The following BABAM2 variants were observed in gnomAD, a reference collection of about 807,000 sequenced individuals.
BABAM2 encodes BRISC and BRCA1 A complex member 2, also known as BRISC and BRCA1-A complex member 2.
In BABAM2, 31 loss-of-function variants were observed where a neutral mutation model predicts 54.7. The observed-to-expected ratio is 0.57, with a 90% CI of 0.43 to 0.77. The LOEUF (loss-of-function observed/expected upper bound fraction) is 0.77. Ranked by LOEUF, BABAM2 falls within the 30% of genes least tolerant of loss-of-function variation. BABAM2 has a pLI of 0.00. For missense variants in BABAM2, 364 were observed against 455.8 expected (o/e 0.80, Z 1.83); for synonymous variants, 167 against 162.9 (o/e 1.03, Z -0.19).
chr2:28,194,351 C>T (rs1366557066), intron 7 of BABAM2, among the ~76,000 whole-genome samples: 1 of 152,058 alleles, frequency 6.6e-6, no homozygotes, highest in Non-Finnish European at 1.5e-5. Context: ...CCTTGTGAAG[C>T]CGTGTTGGTG....
chr2:28,199,512 T>G (rs958356381), intron 7 of BABAM2, among the ~76,000 whole-genome samples: 1 of 152,216 alleles, frequency 6.6e-6, no homozygotes, highest in Non-Finnish European at 1.5e-5. Context: ...CACTCAAATT[T>G]TTTGAATGAT....
intron 7 of BABAM2, among the ~76,000 whole-genome samples, chr2:28,196,489 T>C (rs575245646): frequency 1.3e-5 from 2 of 152,264 alleles, no homozygotes; most frequent in South Asian, 4.1e-4. Flanking sequence ...CTGACTCATT[T>C]TTCTTTTCTC....
chr2:28,181,579 G>A (rs1162589688), intron 7 of BABAM2, among the ~76,000 whole-genome samples: 1 of 152,044 alleles, frequency 6.6e-6, no homozygotes, highest in Non-Finnish European at 1.5e-5. Flanking sequence ...CCAGTACATA[G>A]AAATGATAAA....
intron 6 of BABAM2, among the ~76,000 whole-genome samples, chr2:28,127,658 A>C (rs953202065): frequency 6.6e-6 from 1 of 152,160 alleles, no homozygotes; most frequent in Non-Finnish European, 1.5e-5. Flanking sequence ...ACACAAGAGA[A>C]TGCAGAGCAA....
rs563233224 is a variant in BABAM2 at position 28,321,458 on chromosome 2, C to G, written c.1089-16992C>G. On this transcript the variant is annotated intron_variant, in intron 11 of 11. Transcript: ENST00000379624. ...GCATCCCTCAGATCTATGACCCAGG[C>G]CAAACCCAAGCCAAAAATGATCACC... 7.2e-4 allele frequency among the ~76,000 whole-genome samples: 110 copies of G among 152,250 alleles called. 1 individual carries two copies. Among genetic ancestry groups the G allele is most frequent in the African/African-American group, 2.2e-3 (90 of 41,520 alleles).
intron 3 of BABAM2, among the ~76,000 whole-genome samples, chr2:27,966,821 CTTTG>C (rs950307010): frequency 2.6e-5 from 4 of 152,168 alleles, no homozygotes; most frequent in South Asian, 2.1e-4. Context: ...TATTAAGTAG[CTTTG>C]TTTGTTTGTT....
intron 6 of BABAM2, among the ~76,000 whole-genome samples, chr2:28,118,735 A>T (rs562742048): frequency 3.8e-4 from 58 of 151,722 alleles, no homozygotes; most frequent in African/African-American, 1.3e-3. Context: ...ATTAAATCCC[A>T]TTTGTCAATT....
intron 10 of BABAM2, among the ~76,000 whole-genome samples, chr2:28,248,359 G>A (rs796842983): frequency 1.3e-5 from 2 of 151,488 alleles, no homozygotes; most frequent in East Asian, 1.9e-4. Context: ...ACAGGCATGC[G>A]CCACCATGCC....
intron 7 of BABAM2, among the ~76,000 whole-genome samples, chr2:28,193,619 C>T (rs1204672667): frequency 6.6e-6 from 1 of 152,172 alleles, no homozygotes; most frequent in East Asian, 1.9e-4. Flanking sequence ...TCCCAAAATG[C>T]TTATCCATTG....
chr2:28,132,179 C>T (rs1253735654), intron 7 of BABAM2, among the ~76,000 whole-genome samples: 1 of 150,824 alleles, frequency 6.6e-6, no homozygotes, highest in Non-Finnish European at 1.5e-5. Flanking sequence ...CGTTCCGTCC[C>T]CCAGGCTGGA....
intron 2 of BABAM2, among the ~76,000 whole-genome samples, chr2:27,900,187 G>A (rs529726062): frequency 6.6e-6 from 1 of 152,112 alleles, no homozygotes; most frequent in Non-Finnish European, 1.5e-5. Flanking sequence ...ACTCGAAGAG[G>A]TATACCCTAT....
chr2:28,026,802 AAAAATATAT>A (rs1558666807), intron 5 of BABAM2, among the ~76,000 whole-genome samples: 3 of 52,538 alleles, frequency 5.7e-5, no homozygotes, highest in Non-Finnish European at 1.2e-4. Flanking sequence ...TATTTATATA[AAAAATATAT>A]AAATATATAT....
rs1369674587 is a variant in BABAM2, at chr2:28,167,858, G to A, written c.680+38478G>A. 3.3e-5 allele frequency among the ~76,000 whole-genome samples: 5 copies of A among 152,104 alleles called. No homozygotes were observed. In the East Asian group the frequency reaches 5.8e-4, roughly 18 times the overall value. On this transcript the variant is annotated intron_variant, in intron 7 of 11. Transcript: ENST00000379624. ...AAAATTGAGAGAATCATGATGTTCA[G>A]ATGCTAAGTGTTTTTCCTGCACTCT...
At chr2:28,010,226 T>C (rs774312056) in intron 4 of BABAM2, among the ~76,000 whole-genome samples, 1 of 152,166 alleles carries the variant, frequency 6.6e-6, no homozygotes, top group Non-Finnish European at 1.5e-5. Flanking sequence ...AGATCTAGGA[T>C]GGGGAACATC....
At chr2:28,224,565 T>C (rs1680701262) in intron 7 of BABAM2, among the ~76,000 whole-genome samples, 2 of 152,178 alleles carry the variant, frequency 1.3e-5, no homozygotes, top group Non-Finnish European at 2.9e-5. Context: ...TTTAGAAGCG[T>C]GCCTGAATGG....
chr2:28,240,936 A>G (rs1355539591), intron 8 of BABAM2, among the ~76,000 whole-genome samples: 1 of 152,108 alleles, frequency 6.6e-6, no homozygotes. Context: ...ATAAAAATAA[A>G]CATTTTGGGG....
Position 28,085,026 on chromosome 2 carries a change from A to T in BABAM2, c.570+39227A>T, listed in dbSNP as rs201955509. Among the ~76,000 whole-genome samples, 13 of 152,342 alleles carry T rather than the reference A, an allele frequency of 8.5e-5. No homozygotes were observed. In the East Asian group the frequency reaches 2.5e-3, roughly 29 times the overall value. On this transcript the variant is annotated intron_variant, in intron 6 of 11. Transcript: ENST00000379624. ...CAGCTCTTACAGAATGAAGGGTAAC[A>T]GTACTAGAAACAATAAAAGGAAAAC...
At chr2:28,194,555 T>C (rs1437973011) in intron 7 of BABAM2, among the ~76,000 whole-genome samples, 1 of 151,330 alleles carries the variant, frequency 6.6e-6, no homozygotes, top group Non-Finnish European at 1.5e-5. Context: ...TCACAATTTG[T>C]TGTATGATTA....
chr2:28,217,243 T>C (rs559296764), intron 7 of BABAM2, among the ~76,000 whole-genome samples: 13 of 152,330 alleles, frequency 8.5e-5, no homozygotes, highest in Non-Finnish European at 1.5e-4. Flanking sequence ...CATAGAGTGA[T>C]TGAATATCAT....
Sources: allele counts gnomAD v4.1 joint callset (sites outside exome capture counted in the v4.1 genomes callset), GRCh38; gene constraint gnomAD v4.1.1; transcripts MANE v1.5; gene names NCBI Gene and HGNC (gene_info 2026-07-23, HGNC 2026-07-21).